The following DSN1 variants were observed in gnomAD, a reference collection of about 807,000 sequenced individuals.
DSN1 encodes kinetochore-associated protein DSN1 homolog.
DSN1 carries 31 observed loss-of-function variants against 45.7 expected under a neutral mutation model. The observed-to-expected ratio is 0.68, with a 90% confidence interval of 0.51 to 0.92. The LOEUF (loss-of-function observed/expected upper bound fraction) is 0.92. DSN1 is among the 40% of genes least tolerant of loss of function. DSN1 has a pLI of 0.00. For synonymous variants in DSN1, 134 were observed against 142.3 expected, an observed-to-expected ratio of 0.94 and a Z score of 0.41; for missense variants, 394 against 414.2, an observed-to-expected ratio of 0.95 and a Z score of 0.42.
rs141331185 is a variant in DSN1 at position 36,773,423 on chromosome 20, C to A, written c.-16+239G>T. On this transcript the variant is annotated intron_variant, in intron 1 of 10. Transcript: ENST00000373750. The stretch of plus-strand genomic sequence containing the variant: ...GTTTCTGGAGCCTAGACCCCTGGCA[C>A]GGCAGATACGTCTCTAATGGGGTCG... 1.4e-3 allele frequency: 1,411 copies of A among 985,544 alleles called. 15 individuals are homozygous for A. The African/African-American group carries it at 0.023, about 16-fold the overall frequency. 61.0% of individuals were successfully genotyped at this position (985,544 alleles called of 1,614,324 possible).
In DSN1 at chr20:36,757,744, C is replaced by T. The variant is rs545023240; in HGVS notation, c.725+343G>A. ...TCCCCCAAACCTGCAGCTCATAGGC[C>T]ATGTGCTCACTGAAGCCCCTTGGTT... On this transcript the variant is annotated intron_variant, in intron 8 of 10. Coordinates refer to ENST00000373750, the MANE Select transcript of DSN1 (RefSeq NM_001145315.2). Among the ~76,000 whole-genome samples, 6 of 152,326 alleles carry T rather than the reference C, an allele frequency of 3.9e-5. No individual in the cohort carries two copies. The East Asian group carries it at 9.6e-4, about 24-fold the overall frequency.
At chr20:36,764,139 T>G (rs1987182840) in intron 5 of DSN1, among the ~76,000 whole-genome samples, 1 of 151,720 alleles carries the variant, frequency 6.6e-6, no homozygotes, top group African/African-American at 2.4e-5. Context: ...GAGAAATGCT[T>G]GAGCCTAGGA....
rs1175061938 is a variant in DSN1, at chr20:36,752,564, T to G, written c.*224A>C. 3 of 421,802 alleles carry G rather than the reference T, an allele frequency of 7.1e-6. No individual in the cohort carries two copies. Among genetic ancestry groups the G allele is most frequent in the Non-Finnish European group, 8.4e-6 (2 of 237,790 alleles). 26.1% of individuals were successfully genotyped at this position (421,802 alleles called of 1,614,324 possible). Reference sequence around the variant, plus strand: ...TCTGAAGATCATTTCAAAAAAGAAGTTTGAACTTTCAAGCATTTTGCACAT... The same window carrying G: ...TCTGAAGATCATTTCAAAAAAGAAGGTTGAACTTTCAAGCATTTTGCACAT... On this transcript the variant is annotated 3_prime_UTR_variant, in exon 11 of 11. Coordinates refer to ENST00000373750, the MANE Select transcript of DSN1 (RefSeq NM_001145315.2).
Position 36,755,941 on chromosome 20 carries a change from T to C in DSN1, c.726-112A>G. On this transcript the variant is annotated intron_variant, in intron 8 of 10. Coordinates refer to ENST00000373750, the MANE Select transcript of DSN1 (RefSeq NM_001145315.2). ...GTATTCCTCCACTCTACGCTAGCTA[T>C]AGGCTCACTTCTTAACAGAAAGGTT... is the stretch of plus-strand genomic sequence containing the variant. 5 of 1,222,032 alleles carry C rather than the reference T, an allele frequency of 4.1e-6. No homozygotes were observed. The Admixed American group carries it at 9.6e-5, about 23-fold the overall frequency. 75.7% of individuals were successfully genotyped at this position (1,222,032 alleles called of 1,614,324 possible).
At position 36,758,182 on chromosome 20, in the gene DSN1, A is replaced by T. The variant is rs368365121; in HGVS notation, c.651-21T>A. 2.5e-6 allele frequency: 4 copies of T among 1,606,410 alleles called. No homozygotes were observed. In the Admixed American group the frequency reaches 5.0e-5, roughly 20 times the overall value. On this transcript the variant is annotated intron_variant, in intron 7 of 10. Coordinates refer to ENST00000373750, the MANE Select transcript of DSN1 (RefSeq NM_001145315.2). ...AAAACCTGTAAGAATCAGGAAAAAA[A>T]GTTCAGTTAATTTTTATAATCTTAT...
intron 6 of DSN1, among the ~76,000 whole-genome samples, chr20:36,761,254 T>G (rs1986964696): frequency 6.6e-6 from 1 of 152,154 alleles, no homozygotes; most frequent in Admixed American, 6.6e-5. Context: ...TCATTAGAGG[T>G]CTCTGAACAC....
chr20:36,757,528 C>T (rs1006111584), intron 8 of DSN1, among the ~76,000 whole-genome samples: 2 of 152,006 alleles, frequency 1.3e-5, no homozygotes, highest in Admixed American at 6.6e-5. Flanking sequence ...GCTCAGATGG[C>T]GCCATGCACT....
intron 8 of DSN1, among the ~76,000 whole-genome samples, chr20:36,757,305 G>A (rs1319831504): frequency 3.3e-5 from 5 of 151,962 alleles, no homozygotes; most frequent in African/African-American, 7.3e-5. Flanking sequence ...GCAGTGAGCC[G>A]AGATCGTGCC....
At chr20:36,761,323 G>A (rs922066110) in intron 6 of DSN1, among the ~76,000 whole-genome samples, 4 of 152,074 alleles carry the variant, frequency 2.6e-5, no homozygotes, top group Admixed American at 6.6e-5. Context: ...CTAGATTATC[G>A]CTGAGTCATT....
At chr20:36,769,507 A>G (rs1312533494) in intron 3 of DSN1, among the ~76,000 whole-genome samples, 3 of 152,196 alleles carry the variant, frequency 2.0e-5, no homozygotes, top group Non-Finnish European at 4.4e-5. Flanking sequence ...TTTAGGGACT[A>G]AAGTACATGG....
At position 36,770,901 on chromosome 20, in the gene DSN1, C is replaced by A. The variant is rs374837222; in HGVS notation, c.327G>T (p.Ser109=). 1 of 1,612,342 alleles carries A rather than the reference C, an allele frequency of 6.2e-7. No individual in the cohort carries two copies. The highest frequency in any genetic ancestry group is 1.7e-5 in the Admixed American group (1 of 59,982). ...ASMKETNRRK[S]LHPIHQGITE... ...TGATGCCCTGGTGAATGGGATGCAG[C>A]GACTTCCGCCGGTTCGTTTCTTTCA... Residue 109 remains serine, a synonymous_variant, in exon 3 of 11, where the codon TCG becomes TCT. Coordinates refer to ENST00000373750, the MANE Select transcript of DSN1 (RefSeq NM_001145315.2).
chr20:36,758,479 T>A, intron 7 of DSN1, 79 bp downstream of exon 7: 1 of 1,251,538 alleles, frequency 8.0e-7, no homozygotes, highest in Non-Finnish European at 1.1e-6. Context: ...ATACAATGCT[T>A]ACTATTCATT....
intron 8 of DSN1, among the ~76,000 whole-genome samples, 196 bp downstream of exon 8, chr20:36,757,891 A>G (rs1986761874): frequency 6.6e-6 from 1 of 152,250 alleles, no homozygotes; most frequent in Non-Finnish European, 1.5e-5. Flanking sequence ...GACTGAAAAT[A>G]GTGACACCAA....
chr20:36,770,025 G>C (rs995730916), intron 3 of DSN1, among the ~76,000 whole-genome samples: 4 of 146,386 alleles, frequency 2.7e-5, no homozygotes, highest in Non-Finnish European at 6.0e-5. Flanking sequence ...GAGGGGTGGG[G>C]TGCAGGGAGG....
intron 10 of DSN1, among the ~76,000 whole-genome samples, chr20:36,753,270 G>A (rs1231333683): frequency 6.6e-6 from 1 of 150,416 alleles, no homozygotes. Flanking sequence ...AGCCCAGAAA[G>A]TTGAGGCTGC....
chr20:36,764,342 A>G (rs983959730), intron 5 of DSN1, among the ~76,000 whole-genome samples: 1 of 152,210 alleles, frequency 6.6e-6, no homozygotes, highest in Non-Finnish European at 1.5e-5. Flanking sequence ...AGTTATCAGG[A>G]TAATCCTAGC....
rs373474749 is a variant in DSN1 at position 36,762,991 on chromosome 20, C to T, written c.503-443G>A. On this transcript the variant is annotated intron_variant, in intron 5 of 10. Transcript: ENST00000373750. ...CTGGTCTCCAGTTCCTTGGCTCCAG[C>T]GATTCGCCTGCCTCAGCTTCCCAAA... Among the ~76,000 whole-genome samples the T allele has an allele frequency of 9.2e-5, 14 of 152,312 alleles. No individual in the cohort carries two copies. The East Asian group carries it at 9.6e-4, about 10-fold the overall frequency.
In DSN1 at chr20:36,752,195, C is replaced by A. The variant is rs1986416050; in HGVS notation, c.*593G>T. The A allele has an allele frequency of 2.0e-5, 3 of 152,184 alleles. No individual in the cohort carries two copies. Among genetic ancestry groups the A allele is most frequent in the Admixed American group, 2.0e-4 (3 of 15,260 alleles). 9.4% of individuals were successfully genotyped at this position (152,184 alleles called of 1,614,324 possible). On this transcript the variant is annotated 3_prime_UTR_variant, in exon 11 of 11. Transcript: ENST00000373750. The stretch of plus-strand genomic sequence containing the variant: ...TCAGCCTTCTGAGTAGCTAGCACTA[C>A]AGGCACACGCCACCACACCCAGCTA...
chr20:36,753,355 A>AT (rs1349192758), intron 10 of DSN1, among the ~76,000 whole-genome samples: 5 of 149,968 alleles, frequency 3.3e-5, no homozygotes, highest in Non-Finnish European at 5.9e-5. Flanking sequence ...AAAAAAAAAA[A>AT]GGGTGGCTCA....
Sources: gnomAD v4.1 joint callset for allele counts (sites outside exome capture counted in the v4.1 genomes callset) on GRCh38, gnomAD v4.1.1 for gene constraint, MANE v1.5 for transcripts, NCBI Gene and HGNC (gene_info 2026-07-23, HGNC 2026-07-21) for gene names.